Variants in RNF38 observed in about 807,000 individuals in gnomAD.
RNF38 encodes the protein ring finger protein 38, also known as E3 ubiquitin-protein ligase RNF38.
RNF38 carries 15 observed loss-of-function variants against 67.2 expected under a neutral mutation model. The ratio of observed to expected loss-of-function variants is 0.22; its 90% CI spans 0.15 to 0.34. RNF38 has a LOEUF of 0.34. RNF38 is among the 10% of genes least tolerant of loss of function. The pLI, the probability that RNF38 is intolerant of heterozygous loss-of-function variation, is 1.00. For synonymous variants in RNF38, 220 were observed against 218.8 expected (o/e 1.01, Z -0.05); for missense variants, 524 against 639.9 (o/e 0.82, Z 1.95).
chr9:36,467,325 T>C (rs1023207607), intron 1 of RNF38, among the ~76,000 whole-genome samples: 2 of 149,306 alleles, frequency 1.3e-5, no homozygotes, highest in Non-Finnish European at 1.5e-5. Flanking sequence ...TATTTAAAAT[T>C]ATGAAAAAAA....
At chr9:36,345,255 C>A (rs901864033) in intron 9 of RNF38, among the ~76,000 whole-genome samples, 1 of 152,146 alleles carries the variant, frequency 6.6e-6, no homozygotes, top group African/African-American at 2.4e-5. Context: ...CATTAATGAA[C>A]CTTGATCTAT....
chr9:36,405,067 C>A (rs1042723025), upstream of RNF38, among the ~76,000 whole-genome samples: 2 of 152,084 alleles, frequency 1.3e-5, no homozygotes, highest in African/African-American at 2.4e-5. Flanking sequence ...GGTCAGGAGA[C>A]CAGCCTGGCC....
chr9:36,462,327 C>T (rs538426073), intron 1 of RNF38, among the ~76,000 whole-genome samples: 1 of 152,282 alleles, frequency 6.6e-6, no homozygotes, highest in Non-Finnish European at 1.5e-5. Flanking sequence ...CCTCATCTCT[C>T]TCCTGCTCTA....
At chr9:36,472,602 T>C (rs569110007) in intron 1 of RNF38, among the ~76,000 whole-genome samples, 5 of 152,248 alleles carry the variant, frequency 3.3e-5, no homozygotes, top group South Asian at 4.1e-4. Flanking sequence ...CATTTTGCCA[T>C]AGATCATTTT....
intron 1 of RNF38, among the ~76,000 whole-genome samples, chr9:36,446,645 A>G (rs1440521062): frequency 6.6e-6 from 1 of 151,066 alleles, no homozygotes; most frequent in Non-Finnish European, 1.5e-5. Context: ...CGTCTCTACT[A>G]AAAACACAGA....
At chr9:36,393,914 G>A (rs772971787) in intron 1 of RNF38, among the ~76,000 whole-genome samples, 11 of 152,252 alleles carry the variant, frequency 7.2e-5, no homozygotes, top group Non-Finnish European at 1.2e-4. Flanking sequence ...AGCAAGAAAT[G>A]GGGGACCTCA....
At chr9:36,368,273 G>A (rs1466739125) in intron 4 of RNF38, among the ~76,000 whole-genome samples, 1 of 152,138 alleles carries the variant, frequency 6.6e-6, no homozygotes, top group African/African-American at 2.4e-5. Context: ...CATATGTAAT[G>A]TTTTCATATT....
At chr9:36,409,877 A>AAACAAAAGATT (rs1165382111) in intron 2 of RNF38, among the ~76,000 whole-genome samples, 3 of 152,240 alleles carry the variant, frequency 2.0e-5, no homozygotes, top group Non-Finnish European at 4.4e-5. Context: ...ACAAATCATA[A>AAACAAAAGATT]TATTAAGTAA....
intron 1 of RNF38, among the ~76,000 whole-genome samples, chr9:36,442,953 A>G (rs944921389): frequency 5.3e-5 from 8 of 152,194 alleles, no homozygotes; most frequent in African/African-American, 1.7e-4. Flanking sequence ...AAATTCTTCA[A>G]TGAGATTAGT....
At chr9:36,482,375 CAG>C (rs1166038791) in intron 1 of RNF38, among the ~76,000 whole-genome samples, 1 of 84,968 alleles carries the variant, frequency 1.2e-5, no homozygotes, top group South Asian at 4.3e-4. Flanking sequence ...TTTTTTGAGA[CAG>C]AGTCTCACTC....
intron 1 of RNF38, among the ~76,000 whole-genome samples, chr9:36,477,493 T>C (rs1037348303): frequency 4.0e-5 from 6 of 151,692 alleles, no homozygotes; most frequent in East Asian, 1.9e-4. Flanking sequence ...CTAGGCAACA[T>C]TGTGAAACCT....
rs201611267 is a variant in RNF38, at chr9:36,427,714, T to C, written n.242-3031A>G. Among the ~76,000 whole-genome samples the C allele has an allele frequency of 5.8e-3, 783 of 134,828 alleles. 3 individuals carry two copies. The highest frequency in any genetic ancestry group is 0.021 in the African/African-American group (650 of 31,094). 88.5% of individuals were successfully genotyped at this position (134,828 alleles called of 152,430 possible). A position where few individuals can be genotyped will look rare whatever the true frequency, so the allele number is the denominator to read the frequency against. Reference sequence around the variant, plus strand: ...ATCTATCTATCTATCTACCTACCTATCTATTAATTTATTTGAGATGAGTTT... The same window carrying C: ...ATCTATCTATCTATCTACCTACCTACCTATTAATTTATTTGAGATGAGTTT... On this transcript the variant is annotated intron_variant and non_coding_transcript_variant, in intron 1 of 3. Coordinates refer to the RNF38 transcript ENST00000488058.
chr9:36,429,427 C>T (rs1420155931), intron 1 of RNF38, among the ~76,000 whole-genome samples: 1 of 152,280 alleles, frequency 6.6e-6, no homozygotes, highest in East Asian at 1.9e-4. Context: ...TTGCATAAAA[C>T]CTATGTAAAT....
At chr9:36,424,163 A>T (rs1838709687) in intron 2 of RNF38, among the ~76,000 whole-genome samples, 3 of 152,212 alleles carry the variant, frequency 2.0e-5, no homozygotes, top group Admixed American at 2.0e-4. Flanking sequence ...GCCTTTGTAA[A>T]CAGAGCCAAA....
At chr9:36,450,753 A>G (rs1839417356) in intron 1 of RNF38, among the ~76,000 whole-genome samples, 1 of 152,110 alleles carries the variant, frequency 6.6e-6, no homozygotes, top group Non-Finnish European at 1.5e-5. Flanking sequence ...CGTCTCTACT[A>G]AAAATACAAA....
intron 2 of RNF38, among the ~76,000 whole-genome samples, chr9:36,417,731 G>A (rs1051464584): frequency 6.6e-6 from 1 of 151,862 alleles, no homozygotes; most frequent in African/African-American, 2.4e-5. Flanking sequence ...GGCTGGTCTC[G>A]AACTCCTGGC....
chr9:36,456,179 CT>C (rs1203452748), intron 1 of RNF38, among the ~76,000 whole-genome samples: 1 of 152,140 alleles, frequency 6.6e-6, no homozygotes, highest in Non-Finnish European at 1.5e-5. Flanking sequence ...CTTCCTCAGC[CT>C]TCCTAGTAGC....
intron 4 of RNF38, among the ~76,000 whole-genome samples, chr9:36,358,818 T>C (rs938197525): frequency 6.6e-6 from 1 of 152,138 alleles, no homozygotes; most frequent in African/African-American, 2.4e-5. Context: ...GAGGCCAGCC[T>C]GGCCAACATG....
At chr9:36,482,931 G>A (rs1300440174) in intron 1 of RNF38, among the ~76,000 whole-genome samples, 4 of 152,188 alleles carry the variant, frequency 2.6e-5, no homozygotes, top group African/African-American at 4.8e-5. Context: ...TCACCTTTGC[G>A]TGGATTAGAA....
Sources: gnomAD v4.1 joint callset for allele counts (sites outside exome capture counted in the v4.1 genomes callset) on GRCh38, gnomAD v4.1.1 for gene constraint, MANE v1.5 for transcripts, NCBI Gene and HGNC (gene_info 2026-07-23, HGNC 2026-07-21) for gene names.